ABR: variants seen among roughly 807,000 people sequenced by gnomAD.
ABR encodes active breakpoint cluster region-related protein.
In ABR, 35 loss-of-function variants were observed where a neutral mutation model predicts 107.2. The observed-to-expected ratio is 0.33, with a 90% confidence interval of 0.25 to 0.43. The LOEUF (loss-of-function observed/expected upper bound fraction) is 0.43, where lower values mean the gene tolerates loss of function less well. Among genes scored for constraint, ABR ranks in the 20% least tolerant of loss-of-function variants. The probability of loss-of-function intolerance (pLI) is 1.00; values close to 1 mark genes in which losing one functional copy is unlikely to be tolerated. For synonymous variants in ABR, 498 were observed against 462.0 expected, an observed-to-expected ratio of 1.08 and a Z score of -1.00; for missense variants, 815 against 1,115.2, an observed-to-expected ratio of 0.73 and a Z score of 3.83.
At chr17:1,135,568 A>G (rs902454500) in intron 1 of ABR, among the ~76,000 whole-genome samples, 1 of 151,886 alleles carries the variant, frequency 6.6e-6, no homozygotes, top group African/African-American at 2.4e-5. Flanking sequence ...TTATTCCACC[A>G]AAGCTGCATC....
Position 1,071,310 on chromosome 17 carries a change from C to T in ABR, c.895-1220G>A, listed in dbSNP as rs945909609. ...GAATCGGCTCTCTCTGCCCAGTGGA[C>T]ACTGTCCAGGCCTGTCCCTCACCAC... is the stretch of plus-strand genomic sequence containing the variant. On this transcript the variant is annotated intron_variant, in intron 8 of 22. Coordinates refer to ENST00000302538, the MANE Select transcript of ABR (RefSeq NM_021962.5). The surrounding 1 kb of genome is among the most constrained non-coding windows in gnomAD (Gnocchi z 5.1). 6.6e-6 allele frequency among the ~76,000 whole-genome samples: 1 copy of T among 152,176 alleles called. No individual in the cohort carries two copies. The highest frequency in any genetic ancestry group is 1.5e-5 in the Non-Finnish European group (1 of 68,010).
rs1332134777 is a variant in ABR, at chr17:1,063,764, T to A, written c.1182+3313A>T. On this transcript the variant is annotated intron_variant, in intron 10 of 22. Transcript: ENST00000302538. ...GAACTGAGGGCTATGCATGTTCCTC[T>A]AGACACTGCTGTTATGTGAACTGAG... Among the ~76,000 whole-genome samples the A allele has an allele frequency of 1.3e-3, 197 of 148,776 alleles. 3 individuals are homozygous for A. Among genetic ancestry groups the A allele is most frequent in the African/African-American group, 4.8e-3 (192 of 39,754 alleles).
intron 1 of ABR, among the ~76,000 whole-genome samples, chr17:1,162,771 T>A (rs1199666372): frequency 6.6e-6 from 1 of 152,088 alleles, no homozygotes. Flanking sequence ...ACACCTGTCA[T>A]CCCAGCACTT....
intron 1 of ABR, among the ~76,000 whole-genome samples, chr17:1,137,865 G>A (rs142871043): frequency 0.011 from 1,697 of 152,226 alleles, 8 homozygotes; most frequent in Non-Finnish European, 0.017. Flanking sequence ...ACTTTAGGTT[G>A]GAGCAAAGGT....
intron 2 of ABR, chr17:1,115,495 A>G (rs1393612690): frequency 1.3e-5 from 2 of 152,496 alleles, no homozygotes; most frequent in Non-Finnish European, 2.9e-5. Context: ...GGCAAGTGCC[A>G]GGGCAGTTGC....
At chr17:1,088,042 T>C (rs1399598677) in intron 4 of ABR, among the ~76,000 whole-genome samples, 1 of 152,216 alleles carries the variant, frequency 6.6e-6, no homozygotes, top group African/African-American at 2.4e-5. Context: ...ACCCAGAGTC[T>C]TCGGCTGAAA....
chr17:1,046,909 A>C (rs1206047213), intron 16 of ABR, among the ~76,000 whole-genome samples: 2 of 152,234 alleles, frequency 1.3e-5, no homozygotes, highest in African/African-American at 4.8e-5. Context: ...AGCGGCCTCC[A>C]GGAGCACAAG....
chr17:1,058,734 C>G lies in ABR; in HGVS notation c.1305+11G>C, dbSNP rs777269977. On this transcript the variant is annotated intron_variant, in intron 11 of 22. Coordinates refer to ENST00000302538, the MANE Select transcript of ABR (RefSeq NM_021962.5). ...AGGGGCTGTCTTGGTCCCACCCCCA[C>G]CCATCCTGACCTTTCCATTCCGATT... 3.7e-6 allele frequency: 6 copies of G among 1,613,678 alleles called. No individual in the cohort carries two copies. Among genetic ancestry groups the G allele is most frequent in the Non-Finnish European group, 5.1e-6 (6 of 1,179,838 alleles).
intron 1 of ABR, among the ~76,000 whole-genome samples, chr17:1,212,524 G>A (rs575405675): frequency 6.6e-6 from 1 of 152,286 alleles, no homozygotes; most frequent in African/African-American, 2.4e-5. Context: ...AGAGGCTGAG[G>A]CGGGCGGATC....
intron 16 of ABR, among the ~76,000 whole-genome samples, chr17:1,028,697 A>G (rs2663327): frequency 0.93 from 141,481 of 152,276 alleles, 65,950 homozygotes; most frequent in East Asian, 1. Context: ...TCAGACCCAC[A>G]TGGCTGTGCT....
chr17:1,020,274 G>A (rs545233122), intron 16 of ABR, among the ~76,000 whole-genome samples: 8 of 152,158 alleles, frequency 5.3e-5, no homozygotes, highest in Non-Finnish European at 8.8e-5. Flanking sequence ...GTAGAGACGG[G>A]GTTTCACCGT....
chr17:1,132,377 C>CTTTTTT (rs782501170), intron 1 of ABR, among the ~76,000 whole-genome samples: 21 of 125,740 alleles, frequency 1.7e-4, no homozygotes, highest in African/African-American at 5.5e-4. Flanking sequence ...ACCGAAAGCA[C>CTTTTTT]TTTTTTTTTT....
chr17:1,056,892 G>A lies in ABR; in HGVS notation c.1486+106C>T, dbSNP rs934079881. ...AACAGTCTCAGCACAGCCGAGCAGG[G>A]ATCAGCCATTTACAGCCACATGTCT... On this transcript the variant is annotated intron_variant, in intron 13 of 22. Transcript: ENST00000302538. The A allele has an allele frequency of 8.1e-6, 6 of 745,286 alleles. No homozygotes were observed. The South Asian group carries it at 9.3e-5, about 12-fold the overall frequency. The allele number at this position is 745,286 out of a possible 1,614,324, so 46.2% of individuals were successfully genotyped here. A position where few individuals can be genotyped will look rare whatever the true frequency, so the allele number is the denominator to read the frequency against.
upstream of ABR, among the ~76,000 whole-genome samples, chr17:1,181,469 C>A (rs1374330295): frequency 1.3e-5 from 2 of 152,180 alleles, no homozygotes; most frequent in Non-Finnish European, 2.9e-5. Flanking sequence ...CCGCCCCAAT[C>A]CTCCTGGCTC....
At chr17:1,156,873 T>C (rs543176029) in intron 1 of ABR, among the ~76,000 whole-genome samples, 157 of 152,292 alleles carry the variant, frequency 1.0e-3, no homozygotes, top group African/African-American at 3.6e-3. Context: ...ACAGGCAGCC[T>C]GAGAAGTGGC....
Position 1,091,653 on chromosome 17 carries a change from T to C in ABR, c.531+12A>G. ...GCCCTGCGTGAGGACCCTCCATCCC[T>C]GGCAGACTCACCAGCTTCTGGAAGA... On this transcript the variant is annotated intron_variant, in intron 4 of 22. Coordinates refer to ENST00000302538, the MANE Select transcript of ABR (RefSeq NM_021962.5). The C allele has an allele frequency of 6.2e-7, 1 of 1,610,312 alleles. No homozygotes were observed. Among genetic ancestry groups the C allele is most frequent in the Non-Finnish European group, 8.5e-7 (1 of 1,177,756 alleles).
intron 14 of ABR, among the ~76,000 whole-genome samples, chr17:1,054,036 G>A (rs949743247): frequency 2.6e-5 from 4 of 152,168 alleles, no homozygotes; most frequent in African/African-American, 7.2e-5. Flanking sequence ...TTAGAGCTCC[G>A]GCTCTGGTGC....
intron 1 of ABR, among the ~76,000 whole-genome samples, chr17:1,203,074 C>T (rs1229328802): frequency 1.3e-5 from 2 of 151,912 alleles, no homozygotes; most frequent in South Asian, 2.1e-4. Flanking sequence ...TTAGTAGCGA[C>T]GAGGTTTCAT....
intron 16 of ABR, among the ~76,000 whole-genome samples, chr17:1,014,376 G>A (rs2070957795): frequency 7.1e-6 from 1 of 140,622 alleles, no homozygotes; most frequent in African/African-American, 2.7e-5. Context: ...GGGAGGCAGA[G>A]CTTGCAGTGA....
Sources: gnomAD v4.1 joint callset for allele counts (sites outside exome capture counted in the v4.1 genomes callset) on GRCh38, gnomAD v4.1.1 for gene constraint, Gnocchi (gnomAD v3.1) non-coding constraint, MANE v1.5 for transcripts, NCBI Gene and HGNC (gene_info 2026-07-23, HGNC 2026-07-21) for gene names.